PLXNC1: variants seen among roughly 807,000 people sequenced by gnomAD.
PLXNC1 encodes plexin-C1.
PLXNC1 carries 75 observed loss-of-function variants against 178.2 expected under a neutral mutation model. The observed-to-expected ratio is 0.42, with a 90% CI of 0.35 to 0.51. PLXNC1 has a LOEUF of 0.51. Ranked by LOEUF, PLXNC1 falls within the 20% of genes least tolerant of loss-of-function variation. The probability of loss-of-function intolerance (pLI) is 0.02; values close to 1 mark genes in which losing one functional copy is unlikely to be tolerated. For synonymous variants in PLXNC1, 790 were observed against 779.9 expected (o/e 1.01, Z -0.22); for missense variants, 1,503 against 1,984.4 (o/e 0.76, Z 4.61).
intron 5 of PLXNC1, among the ~76,000 whole-genome samples, chr12:94,212,059 G>A (rs1484187214): frequency 6.6e-6 from 1 of 152,118 alleles, no homozygotes; most frequent in African/African-American, 2.4e-5. Context: ...CGGATCACGA[G>A]GTCAGGAGAT....
At chr12:94,162,958 A>G (rs59866449) in intron 1 of PLXNC1, among the ~76,000 whole-genome samples, 12,695 of 152,168 alleles carry the variant, frequency 0.083, 731 homozygotes, top group African/African-American at 0.16. Flanking sequence ...AGGAGTCAGG[A>G]ATGCTAGAAG....
At chr12:94,153,621 C>T (rs1961042187) in intron 1 of PLXNC1, among the ~76,000 whole-genome samples, 1 of 152,176 alleles carries the variant, frequency 6.6e-6, no homozygotes, top group Admixed American at 6.5e-5. Flanking sequence ...GTTCTGGGGT[C>T]ACTCGTGGTT....
intron 1 of PLXNC1, among the ~76,000 whole-genome samples, chr12:94,167,721 T>C (rs1961670325): frequency 6.6e-6 from 1 of 152,242 alleles, no homozygotes; most frequent in African/African-American, 2.4e-5. Context: ...CTTCCCATAT[T>C]GCATGAAAAG....
At chr12:94,268,784 G>A (rs574710467) in intron 21 of PLXNC1, among the ~76,000 whole-genome samples, 6 of 151,908 alleles carry the variant, frequency 3.9e-5, no homozygotes, top group South Asian at 4.2e-4. Context: ...TAGTAGAAAC[G>A]GGTTTTCGCC....
intron 7 of PLXNC1, 152 bp downstream of exon 7, chr12:94,224,467 G>A (rs558416518): frequency 1.9e-5 from 12 of 640,110 alleles, no homozygotes; most frequent in East Asian, 8.2e-5. Context: ...GAGAGCCACC[G>A]AGCTAATAAG....
chr12:94,231,934 G>C (rs894038473), intron 9 of PLXNC1, among the ~76,000 whole-genome samples: 1 of 152,140 alleles, frequency 6.6e-6, no homozygotes, highest in Non-Finnish European at 1.5e-5. Flanking sequence ...AGATTGTGAA[G>C]ATTTATGATA....
intron 1 of PLXNC1, among the ~76,000 whole-genome samples, chr12:94,162,201 G>T (rs1961410333): frequency 6.6e-6 from 1 of 152,196 alleles, no homozygotes; most frequent in Non-Finnish European, 1.5e-5. Flanking sequence ...TCCACGAGTA[G>T]GTGACATTCA....
chr12:94,210,845 G>A (rs1456751986), intron 5 of PLXNC1, among the ~76,000 whole-genome samples: 20 of 152,110 alleles, frequency 1.3e-4, no homozygotes, highest in Admixed American at 1.3e-3. Context: ...AGATTCTTAG[G>A]CATCTAAACA....
chr12:94,218,586 C>A (rs1045195181), intron 5 of PLXNC1, among the ~76,000 whole-genome samples: 3 of 152,144 alleles, frequency 2.0e-5, no homozygotes, highest in African/African-American at 7.2e-5. Flanking sequence ...ATGTTAATTC[C>A]TATAATTTCC....
chr12:94,299,302 A>G (rs1968233502), intron 27 of PLXNC1, among the ~76,000 whole-genome samples: 1 of 152,162 alleles, frequency 6.6e-6, no homozygotes, highest in Non-Finnish European at 1.5e-5. Flanking sequence ...CAGGCAAGGC[A>G]TCCAAATTTT....
chr12:94,221,181 C>T (rs2136020239), intron 6 of PLXNC1, among the ~76,000 whole-genome samples: 1 of 152,324 alleles, frequency 6.6e-6, no homozygotes, highest in African/African-American at 2.4e-5. Context: ...GAGAAGACAT[C>T]TTCACTGCTG....
At chr12:94,298,405 G>T (rs1968140789) in intron 26 of PLXNC1, among the ~76,000 whole-genome samples, 1 of 152,174 alleles carries the variant, frequency 6.6e-6, no homozygotes. Flanking sequence ...AATGTTATCA[G>T]CAAGAAGCTT....
chr12:94,187,201 A>AAC (rs1555196783), intron 4 of PLXNC1, among the ~76,000 whole-genome samples: 28 of 151,260 alleles, frequency 1.9e-4, no homozygotes, highest in African/African-American at 2.4e-4. Context: ...AGAAAAAAAA[A>AAC]CCCATAACAG....
intron 7 of PLXNC1, 112 bp downstream of exon 7, chr12:94,224,427 C>T: frequency 4.2e-6 from 3 of 717,090 alleles, no homozygotes; most frequent in South Asian, 3.0e-5. Flanking sequence ...TTCCAAAATG[C>T]CTTTTGAAGC....
At chr12:94,227,301 T>TA in intron 9 of PLXNC1, 66 bp downstream of exon 9, 1 of 911,776 alleles carries the variant, frequency 1.1e-6, no homozygotes, top group South Asian at 1.4e-5. Context: ...CCACAACTCA[T>TA]ACTACTTTGG....
chr12:94,288,472 T>A (rs1490661246), intron 23 of PLXNC1, among the ~76,000 whole-genome samples: 1 of 152,194 alleles, frequency 6.6e-6, no homozygotes, highest in African/African-American at 2.4e-5. Flanking sequence ...CAGAAGGAGC[T>A]GGCTAGTGGC....
intron 23 of PLXNC1, among the ~76,000 whole-genome samples, chr12:94,286,616 CAAAAAAAAAAAA>C (rs61238982): frequency 2.0e-5 from 2 of 101,406 alleles, no homozygotes; most frequent in African/African-American, 4.0e-5. Context: ...TGCTTAAAAG[CAAAAAAAAAAAA>C]AAAAAAAAAA....
chr12:94,291,494 G>C (rs188906145), intron 23 of PLXNC1, among the ~76,000 whole-genome samples: 3 of 152,292 alleles, frequency 2.0e-5, no homozygotes, highest in African/African-American at 7.2e-5. Flanking sequence ...GCTTCCCAAA[G>C]AGCTGGGATT....
chr12:94,214,912 T>C (rs994875730), intron 5 of PLXNC1, among the ~76,000 whole-genome samples: 5 of 152,242 alleles, frequency 3.3e-5, no homozygotes, highest in Non-Finnish European at 7.4e-5. Flanking sequence ...TTTTTTTTTT[T>C]TGAGACAAAG....
Sources: gnomAD v4.1 joint callset for allele counts (sites outside exome capture counted in the v4.1 genomes callset) on GRCh38, gnomAD v4.1.1 for gene constraint, MANE v1.5 for transcripts, NCBI Gene and HGNC (gene_info 2026-07-23, HGNC 2026-07-21) for gene names.